Variants in CCDC14 observed in about 807,000 individuals in gnomAD.
CCDC14 encodes coiled-coil domain-containing protein 14.
Under a neutral mutation model 81.4 loss-of-function variants are expected in CCDC14, and 71 were observed. That is an observed-to-expected ratio of 0.87 (90% CI 0.72 to 1.06). CCDC14 has a LOEUF of 1.06. CCDC14 is among the 50% of genes least tolerant of loss of function. The pLI is 0.00. For synonymous variants in CCDC14, 332 were observed against 364.8 expected, an observed-to-expected ratio of 0.91 and a Z score of 1.03; for missense variants, 1,046 against 1,047.3, an observed-to-expected ratio of 1.00 and a Z score of 0.02.
chr3:123,904,497 G>T lies in CCDC14; in HGVS notation c.668-6884C>A, dbSNP rs116519270. Reference sequence around the variant, plus strand: ...TATAGAATTACTTGTGTATTTTTATGTGTATGTATAAAGAATGCTTAAAAG... The same window carrying T: ...TATAGAATTACTTGTGTATTTTTATTTGTATGTATAAAGAATGCTTAAAAG... On this transcript the variant is annotated intron_variant, in intron 5 of 5. Transcript: ENST00000479903. Among the ~76,000 whole-genome samples the T allele has an allele frequency of 3.4e-3, 515 of 152,082 alleles. 2 individuals are homozygous for T. Among genetic ancestry groups the T allele is most frequent in the African/African-American group, 0.012 (497 of 41,484 alleles).
At chr3:123,932,098 G>A (rs575246233) in intron 10 of CCDC14, among the ~76,000 whole-genome samples, 3 of 152,236 alleles carry the variant, frequency 2.0e-5, no homozygotes, top group South Asian at 2.1e-4. Context: ...CATGCTCAGC[G>A]AATGCTTCCT....
chr3:123,905,799 T>A (rs962844506), intron 5 of CCDC14, among the ~76,000 whole-genome samples: 2 of 152,170 alleles, frequency 1.3e-5, no homozygotes, highest in African/African-American at 4.8e-5. Flanking sequence ...ATAAACTACG[T>A]GCACAGGCTT....
At chr3:123,940,025 T>C (rs1169414953) in intron 9 of CCDC14, among the ~76,000 whole-genome samples, 1 of 151,624 alleles carries the variant, frequency 6.6e-6, no homozygotes, top group East Asian at 1.9e-4. Flanking sequence ...ATTATATATA[T>C]TTTACCATAA....
intron 12 of CCDC14, 57 bp downstream of exon 12, chr3:123,931,045 T>C (rs1357875883): frequency 4.9e-6 from 7 of 1,430,476 alleles, no homozygotes; most frequent in East Asian, 4.8e-5. Context: ...TTTTGAAGTT[T>C]ATAAAAACAT....
intron 9 of CCDC14, among the ~76,000 whole-genome samples, chr3:123,941,478 C>T (rs1001185146): frequency 1.1e-4 from 17 of 151,920 alleles, no homozygotes; most frequent in African/African-American, 3.9e-4. Context: ...GAAACACTTT[C>T]GAATGAACCA....
rs752300810 is a variant in CCDC14 at position 123,949,126 on chromosome 3, G to A, written c.359C>T (p.Ser120Leu). ...ATTAGGTATCTGTTTCTTATTATCT[G>A]AAGATGCTAATGTGGAAGAAGAAAA... The part of the protein sequence containing the change: ...PLVVQKETSS[S>L]DNKKQIPNEA... Residue 120 changes from serine (S) to leucine (L), a missense_variant, in exon 6 of 13, where the codon TCA (serine) becomes TTA (leucine). Transcript: ENST00000409697. The A allele has an allele frequency of 1.3e-6, 2 of 1,582,396 alleles. No individual in the cohort carries two copies. Among genetic ancestry groups the A allele is most frequent in the African/African-American group, 2.7e-5 (2 of 74,476 alleles).
chr3:123,927,960 CTTTA>C (rs947136747), intron 12 of CCDC14, among the ~76,000 whole-genome samples: 8 of 152,164 alleles, frequency 5.3e-5, no homozygotes, highest in Non-Finnish European at 1.2e-4. Context: ...AAGCTGTCCT[CTTTA>C]AAACAGAAAG....
intron 12 of CCDC14, among the ~76,000 whole-genome samples, chr3:123,916,850 AT>A (rs1249460307): frequency 6.6e-6 from 1 of 151,546 alleles, no homozygotes; most frequent in Non-Finnish European, 1.5e-5. Context: ...TTATTTTTTT[AT>A]TTTTTTGAGA....
intron 12 of CCDC14, among the ~76,000 whole-genome samples, chr3:123,915,965 AT>A (rs1474850933): frequency 1.3e-5 from 2 of 148,964 alleles, no homozygotes. Flanking sequence ...GAGGCTCAGA[AT>A]TTTTTTTTAA....
intron 10 of CCDC14, chr3:123,933,396 T>C (rs921181866): frequency 8.0e-6 from 3 of 374,936 alleles, no homozygotes; most frequent in African/African-American, 6.3e-5. Context: ...ACATATATAG[T>C]TCTATTTGTG....
chr3:123,916,842 A>T (rs899256879), intron 12 of CCDC14, among the ~76,000 whole-genome samples: 1 of 151,586 alleles, frequency 6.6e-6, no homozygotes, highest in African/African-American at 2.4e-5. Context: ...GCCATTTTTT[A>T]TTTTTTTATT....
the CCDC14 span, among the ~76,000 whole-genome samples, chr3:123,891,526 G>T: frequency 6.7e-6 from 1 of 148,448 alleles, no homozygotes; most frequent in Non-Finnish European, 1.5e-5. Flanking sequence ...CAAATCTCTA[G>T]GGCAGTGGTA....
rs563829760 is a variant in CCDC14 at position 123,951,790 on chromosome 3, A to G, written c.353-2658T>C. Among the ~76,000 whole-genome samples the G allele has an allele frequency of 2.6e-5, 4 of 152,356 alleles. No homozygotes were observed. In the South Asian group the frequency reaches 8.3e-4, roughly 32 times the overall value. On this transcript the variant is annotated intron_variant, in intron 5 of 12. Coordinates refer to ENST00000409697, the MANE Select transcript of CCDC14 (RefSeq NM_001366335.1). ...CAGCCAGCAGATGTCATCAACTAAC[A>G]TAAATTAATAAATTCCAAACCTATT...
At chr3:123,887,480 C>CAACAAA in the CCDC14 span, among the ~76,000 whole-genome samples, 3 of 145,164 alleles carry the variant, frequency 2.1e-5, no homozygotes, top group African/African-American at 7.8e-5. Flanking sequence ...ACAACAACAA[C>CAACAAA]AAAAAAAAAA....
Position 123,914,131 on chromosome 3 carries a change from T to C in CCDC14, c.*648A>G. 1.0e-6 allele frequency: 1 copy of C among 985,760 alleles called. No homozygotes were observed. The highest frequency in any genetic ancestry group is 1.7e-5 in the African/African-American group (1 of 57,350). 61.1% of individuals were successfully genotyped at this position (985,760 alleles called of 1,614,324 possible). A position where few individuals can be genotyped will look rare whatever the true frequency, so the allele number is the denominator to read the frequency against. On this transcript the variant is annotated 3_prime_UTR_variant, in exon 13 of 13. Transcript: ENST00000409697. Reference sequence around the variant, plus strand: ...CACTTCTTTATCAGTCTGACTATTCTTTAAAGGCCTTAAAACATGAATTTG... The same window carrying C: ...CACTTCTTTATCAGTCTGACTATTCCTTAAAGGCCTTAAAACATGAATTTG...
intron 12 of CCDC14, among the ~76,000 whole-genome samples, chr3:123,919,665 C>T (rs924280212): frequency 6.6e-6 from 1 of 152,166 alleles, no homozygotes; most frequent in African/African-American, 2.4e-5. Context: ...CAGGTAGCAG[C>T]CCAGTTAGAG....
chr3:123,940,852 C>T (rs756882980), intron 9 of CCDC14, among the ~76,000 whole-genome samples: 1 of 152,046 alleles, frequency 6.6e-6, no homozygotes, highest in Non-Finnish European at 1.5e-5. Flanking sequence ...AGGTCTAAAT[C>T]TTAACTCACA....
chr3:123,942,823 G>A (rs2036421529), intron 9 of CCDC14, among the ~76,000 whole-genome samples: 1 of 152,064 alleles, frequency 6.6e-6, no homozygotes, highest in African/African-American at 2.4e-5. Flanking sequence ...TTGCTAATAT[G>A]TGGGTGATTC....
At chr3:123,917,360 T>C (rs1173130684) in intron 12 of CCDC14, among the ~76,000 whole-genome samples, 2 of 151,398 alleles carry the variant, frequency 1.3e-5, no homozygotes, top group Non-Finnish European at 2.9e-5. Context: ...CTGGGCATGG[T>C]GATGTGCGCC....
Sources: allele counts gnomAD v4.1 joint callset (sites outside exome capture counted in the v4.1 genomes callset), GRCh38; gene constraint gnomAD v4.1.1; transcripts MANE v1.5; gene names NCBI Gene and HGNC (gene_info 2026-07-23, HGNC 2026-07-21).